CACNA1D: variants seen among roughly 807,000 people sequenced by gnomAD.
The protein encoded by CACNA1D is calcium voltage-gated channel subunit alpha1 D.
In CACNA1D, 55 loss-of-function variants were observed where a neutral mutation model predicts 257.1. That is an observed-to-expected ratio of 0.21 (90% CI 0.17 to 0.27). The LOEUF (loss-of-function observed/expected upper bound fraction) is 0.27, where lower values mean the gene tolerates loss of function less well. CACNA1D is among the 10% of genes least tolerant of loss of function. The pLI, the probability that CACNA1D is intolerant of heterozygous loss-of-function variation, is 1.00. For missense variants in CACNA1D, 1,876 were observed against 2,784.0 expected, an observed-to-expected ratio of 0.67 and a Z score of 7.34; for synonymous variants, 980 against 1,014.9, an observed-to-expected ratio of 0.97 and a Z score of 0.65.
intron 3 of CACNA1D, among the ~76,000 whole-genome samples, chr3:53,634,566 G>C (rs1183495759): frequency 1.3e-5 from 2 of 152,146 alleles, no homozygotes; most frequent in Non-Finnish European, 2.9e-5. Flanking sequence ...GGAATGTAAA[G>C]TGAAGCTGAG....
intron 3 of CACNA1D, among the ~76,000 whole-genome samples, chr3:53,524,432 A>G (rs1199281859): frequency 6.6e-6 from 1 of 152,260 alleles, no homozygotes; most frequent in African/African-American, 2.4e-5. Flanking sequence ...GCCAACACAC[A>G]AAACTACAAG....
intron 3 of CACNA1D, among the ~76,000 whole-genome samples, chr3:53,561,136 C>T (rs1034278070): frequency 1.3e-5 from 2 of 152,186 alleles, no homozygotes; most frequent in African/African-American, 4.8e-5. Context: ...GCTAGCATGT[C>T]TCAAGTCATG....
intron 8 of CACNA1D, among the ~76,000 whole-genome samples, chr3:53,676,108 C>T (rs1174761876): frequency 6.6e-6 from 1 of 152,164 alleles, no homozygotes; most frequent in East Asian, 1.9e-4. Context: ...TGTGCTTAGG[C>T]GTTCATTATC....
At position 53,776,875 on chromosome 3, in the gene CACNA1D, C is replaced by T. The variant is rs770528329; in HGVS notation, c.4506C>T (p.His1502=). 12 of 1,613,954 alleles carry T rather than the reference C, an allele frequency of 7.4e-6. No homozygotes were observed. The East Asian group carries it at 2.2e-4, about 30-fold the overall frequency. ...YDPEAKGRIK[H]LDVVTLLRRI... is the part of the protein sequence containing the mutation. ...TTACTTCCAGGGGAAGGATAAAACACCTTGATGTGGTCACTCTGCTTCGAC... is the reference window on the plus strand; with the variant it reads ...TTACTTCCAGGGGAAGGATAAAACATCTTGATGTGGTCACTCTGCTTCGAC... The change falls in exon 37 of 48, where the codon CAC becomes CAT. Residue 1502 remains histidine (H), a synonymous_variant. Coordinates refer to ENST00000350061, the MANE Select transcript of CACNA1D (RefSeq NM_001128840.3).
Position 53,650,238 on chromosome 3 carries a change from A to G in CACNA1D, c.484-541A>G, listed in dbSNP as rs907962188. 4.6e-5 allele frequency among the ~76,000 whole-genome samples: 7 copies of G among 152,334 alleles called. No individual in the cohort carries two copies. In the East Asian group the frequency reaches 1.3e-3, roughly 29 times the overall value. On this transcript the variant is annotated intron_variant, in intron 3 of 47. Transcript: ENST00000350061. ...AACTTATATCCAGAGGAGGAGAAGG[A>G]CTTGTCCAAGGTTACCTTGCTACTC... is the stretch of plus-strand genomic sequence containing the variant.
At chr3:53,557,079 A>G (rs1269233245) in intron 3 of CACNA1D, among the ~76,000 whole-genome samples, 1 of 152,068 alleles carries the variant, frequency 6.6e-6, no homozygotes, top group Non-Finnish European at 1.5e-5. Flanking sequence ...ACATCCAGTT[A>G]CTTGGTTTTT....
chr3:53,515,313 A>G (rs1036012162), intron 3 of CACNA1D, among the ~76,000 whole-genome samples: 2 of 152,182 alleles, frequency 1.3e-5, no homozygotes, highest in Non-Finnish European at 2.9e-5. Context: ...AAGAGGAAAT[A>G]AAGCAGGAGC....
chr3:53,594,166 T>G (rs1247577626), intron 3 of CACNA1D, among the ~76,000 whole-genome samples: 2 of 152,142 alleles, frequency 1.3e-5, no homozygotes. Context: ...CACCCATAAG[T>G]GTGAAGTCTG....
intron 3 of CACNA1D, among the ~76,000 whole-genome samples, chr3:53,520,887 T>C (rs2091536523): frequency 1.5e-5 from 1 of 65,362 alleles, no homozygotes; most frequent in Non-Finnish European, 2.7e-5. Flanking sequence ...TCTTTCTTTC[T>C]TTCTTTCTTT....
chr3:53,497,546 A>G, intron 2 of CACNA1D, 85 bp downstream of exon 2: 1 of 1,358,624 alleles, frequency 7.4e-7, no homozygotes, highest in Non-Finnish European at 1.0e-6. Context: ...AGTGACACAA[A>G]GCTGTAGCAG....
At chr3:53,540,243 TG>T in intron 3 of CACNA1D, among the ~76,000 whole-genome samples, 1 of 151,822 alleles carries the variant, frequency 6.6e-6, no homozygotes. Flanking sequence ...CTCAGCCTCC[TG>T]AGTAGTGGGG....
chr3:53,548,371 TAAAAA>T (rs1559823868), intron 3 of CACNA1D, among the ~76,000 whole-genome samples: 44 of 138,054 alleles, frequency 3.2e-4, no homozygotes, highest in Non-Finnish European at 3.4e-4. Flanking sequence ...TTTTTTTTTT[TAAAAA>T]TTATCTTTAA....
chr3:53,752,826 T>C (rs1372561610), intron 28 of CACNA1D, among the ~76,000 whole-genome samples: 1 of 152,240 alleles, frequency 6.6e-6, no homozygotes, highest in Non-Finnish European at 1.5e-5. Flanking sequence ...TGATGAAGTG[T>C]TGAGTTTGAC....
intron 44 of CACNA1D, among the ~76,000 whole-genome samples, chr3:53,804,418 C>A (rs998413930): frequency 6.6e-6 from 1 of 152,210 alleles, no homozygotes; most frequent in Non-Finnish European, 1.5e-5. Context: ...CGTCTGCTGG[C>A]CTCATCCCCC....
intron 28 of CACNA1D, among the ~76,000 whole-genome samples, chr3:53,752,430 C>T (rs969349063): frequency 6.6e-6 from 1 of 152,202 alleles, no homozygotes. Context: ...GAGGCAGTCT[C>T]ACTCTGTAGC....
rs1173381226 is a variant in CACNA1D, at chr3:53,576,801, A to T, written c.484-73978A>T. On this transcript the variant is annotated intron_variant, in intron 3 of 47. Coordinates refer to ENST00000350061, the MANE Select transcript of CACNA1D (RefSeq NM_001128840.3). ...CCCCATATCCCCACCAAAGGATCTC[A>T]TTCCTTTATCCATTCAATTTTCATG... is the stretch of plus-strand genomic sequence containing the variant. 2.0e-5 allele frequency among the ~76,000 whole-genome samples: 3 copies of T among 152,284 alleles called. No individual in the cohort carries two copies. In the East Asian group the frequency reaches 5.8e-4, roughly 29 times the overall value.
chr3:53,706,731 T>C (rs982825534), intron 9 of CACNA1D, among the ~76,000 whole-genome samples: 3 of 152,056 alleles, frequency 2.0e-5, no homozygotes, highest in Admixed American at 6.6e-5. Context: ...AAAGTGTACA[T>C]TATACCCAGT....
At chr3:53,589,708 C>T (rs907707091) in intron 3 of CACNA1D, among the ~76,000 whole-genome samples, 3 of 152,176 alleles carry the variant, frequency 2.0e-5, no homozygotes, top group Non-Finnish European at 4.4e-5. Context: ...CTCCTGGCCT[C>T]GAGTGATCCT....
At position 53,784,140 on chromosome 3, in the gene CACNA1D, G is replaced by A. The variant is rs990447466; in HGVS notation, c.4792+2473G>A. On this transcript the variant is annotated intron_variant, in intron 39 of 47. Coordinates refer to ENST00000350061, the MANE Select transcript of CACNA1D (RefSeq NM_001128840.3). ...TTGCTTCACTCCCAGTGGCCCGGGG[G>A]TCTCCGCTGCCCCCTCACCATCAGT... 7.9e-4 allele frequency among the ~76,000 whole-genome samples: 121 copies of A among 152,334 alleles called. 1 individual carries two copies. The highest frequency in any genetic ancestry group is 2.9e-3 in the African/African-American group (120 of 41,576).
Sources: gnomAD v4.1 joint callset for allele counts (sites outside exome capture counted in the v4.1 genomes callset) on GRCh38, gnomAD v4.1.1 for gene constraint, MANE v1.5 for transcripts, NCBI Gene and HGNC (gene_info 2026-07-23, HGNC 2026-07-21) for gene names.